Variants in PRKAR1A observed in about 807,000 individuals in gnomAD.
The protein encoded by PRKAR1A is cAMP-dependent protein kinase type I-alpha regulatory subunit.
Under a neutral mutation model 52.0 loss-of-function variants are expected in PRKAR1A, and 3 were observed. The ratio of observed to expected loss-of-function variants is 0.06; its 90% confidence interval spans 0.03 to 0.15. The LOEUF is 0.15. Among genes scored for constraint, PRKAR1A ranks in the 10% least tolerant of loss-of-function variants. The pLI is 1.00. For synonymous variants in PRKAR1A, 188 were observed against 168.4 expected, an observed-to-expected ratio of 1.12 and a Z score of -0.90; for missense variants, 240 against 477.4, an observed-to-expected ratio of 0.50 and a Z score of 4.63.
downstream of PRKAR1A, among the ~76,000 whole-genome samples, chr17:68,534,248 T>G (rs1051900280): frequency 2.0e-5 from 3 of 152,252 alleles, no homozygotes; most frequent in Non-Finnish European, 4.4e-5. Flanking sequence ...GTGAAAGTTC[T>G]GCCAATTTTG....
At chr17:68,525,028 G>A in intron 6 of PRKAR1A, 70 bp downstream of exon 6, 1 of 1,297,302 alleles carries the variant, frequency 7.7e-7, no homozygotes, top group Non-Finnish European at 1.1e-6. Context: ...CGAGCAATAA[G>A]AATAGTGATT....
chr17:68,418,404 A>G, the PRKAR1A span, among the ~76,000 whole-genome samples: 11 of 152,268 alleles, frequency 7.2e-5, no homozygotes, highest in Non-Finnish European at 1.2e-4. Context: ...CTGTACTGGC[A>G]ATGAAGAATA....
chr17:68,471,693 T>G, the PRKAR1A span, among the ~76,000 whole-genome samples: 1 of 152,338 alleles, frequency 6.6e-6, no homozygotes, highest in South Asian at 2.1e-4. Context: ...CCTAATGCTT[T>G]TCTACTAGGG....
the PRKAR1A span, among the ~76,000 whole-genome samples, chr17:68,455,127 T>G: frequency 2.0e-5 from 3 of 152,066 alleles, no homozygotes; most frequent in African/African-American, 7.2e-5. Flanking sequence ...TTTGGGAGGC[T>G]GAGGTGGGTG....
chr17:68,497,447 T>C, the PRKAR1A span, among the ~76,000 whole-genome samples: 2 of 152,202 alleles, frequency 1.3e-5, no homozygotes, highest in African/African-American at 4.8e-5. Context: ...TCCAATATGG[T>C]AGTCACTAGC....
At chr17:68,502,072 A>C in the PRKAR1A span, among the ~76,000 whole-genome samples, 1 of 152,108 alleles carries the variant, frequency 6.6e-6, no homozygotes, top group Non-Finnish European at 1.5e-5. Flanking sequence ...ATCATCCCTT[A>C]CTTGGATCAT....
chr17:68,487,564 G>T, the PRKAR1A span, among the ~76,000 whole-genome samples: 1 of 152,144 alleles, frequency 6.6e-6, no homozygotes, highest in African/African-American at 2.4e-5. Flanking sequence ...ACTTTGGGGG[G>T]CCAAGGCGGG....
the PRKAR1A span, among the ~76,000 whole-genome samples, chr17:68,434,326 CATCAAAAAGGGACTCTCACGGCTGA>C: frequency 6.6e-6 from 1 of 152,184 alleles, no homozygotes; most frequent in African/African-American, 2.4e-5. Flanking sequence ...CCCACACACA[CATCAAAAAGGGACTCTCACGGCTGA>C]ACTGTGTTAA....
the PRKAR1A span, among the ~76,000 whole-genome samples, chr17:68,486,564 TCTTTC>T: frequency 7.2e-6 from 1 of 139,058 alleles, no homozygotes; most frequent in Admixed American, 7.5e-5. Context: ...TTTCTTTCTT[TCTTTC>T]TTCTTTCCTT....
the PRKAR1A span, among the ~76,000 whole-genome samples, chr17:68,492,598 A>G: frequency 8.9e-4 from 135 of 152,320 alleles, no homozygotes; most frequent in Non-Finnish European, 1.4e-3. Flanking sequence ...TATGTGAGCT[A>G]TGCAGCGCCA....
chr17:68,452,192 C>T, the PRKAR1A span, among the ~76,000 whole-genome samples: 5 of 152,166 alleles, frequency 3.3e-5, no homozygotes, highest in Admixed American at 1.3e-4. Flanking sequence ...AATAGGATAC[C>T]GTTGCCTTCT....
chr17:68,498,078 A>AG, the PRKAR1A span, among the ~76,000 whole-genome samples: 60 of 148,268 alleles, frequency 4.0e-4, no homozygotes, highest in Admixed American at 2.2e-3. Flanking sequence ...GGGGAAGTAA[A>AG]GGGGGGGTTA....
At chr17:68,418,296 C>A in the PRKAR1A span, among the ~76,000 whole-genome samples, 1 of 152,158 alleles carries the variant, frequency 6.6e-6, no homozygotes, top group African/African-American at 2.4e-5. Context: ...TAGGACGAGT[C>A]TTTCAGATTT....
At chr17:68,425,192 A>G in the PRKAR1A span, among the ~76,000 whole-genome samples, 12 of 152,272 alleles carry the variant, frequency 7.9e-5, no homozygotes, top group African/African-American at 2.9e-4. Flanking sequence ...TGCCCTCCAC[A>G]GAGCACACAA....
the PRKAR1A span, among the ~76,000 whole-genome samples, chr17:68,488,571 T>C: frequency 6.6e-6 from 1 of 151,208 alleles, no homozygotes; most frequent in African/African-American, 2.4e-5. Context: ...CTACTAAAAA[T>C]ACAAAAAAAA....
intron 5 of PRKAR1A, 118 bp downstream of exon 5, chr17:68,524,195 CTG>C (rs1392994104): frequency 2.2e-6 from 2 of 910,974 alleles, no homozygotes; most frequent in African/African-American, 3.5e-5. Context: ...TTTTTTTTTT[CTG>C]TTATACTATT....
At chr17:68,499,610 A>G in the PRKAR1A span, among the ~76,000 whole-genome samples, 4 of 152,242 alleles carry the variant, frequency 2.6e-5, no homozygotes, top group South Asian at 8.3e-4. Flanking sequence ...TGCATGTAAA[A>G]TGTTTATTTC....
At chr17:68,512,782 C>CT (rs2085301223) in intron 1 of PRKAR1A, 1 of 152,054 alleles carries the variant, frequency 6.6e-6, no homozygotes. Flanking sequence ...GGCTCCCCAG[C>CT]CGCCCCGCTC....
chr17:68,526,991 A>G (rs781448422), intron 7 of PRKAR1A, among the ~76,000 whole-genome samples: 2 of 152,252 alleles, frequency 1.3e-5, no homozygotes, highest in Non-Finnish European at 2.9e-5. Flanking sequence ...GTGATGTGAC[A>G]GTCTACTGGA....
Sources: allele counts gnomAD v4.1 joint callset (sites outside exome capture counted in the v4.1 genomes callset), GRCh38; gene constraint gnomAD v4.1.1; transcripts MANE v1.5; gene names NCBI Gene and HGNC (gene_info 2026-07-23, HGNC 2026-07-21).